LRRC37A2: variants seen among roughly 807,000 people sequenced by gnomAD.
The protein encoded by LRRC37A2 is leucine-rich repeat-containing protein 37A2.
Under a neutral mutation model 68.8 loss-of-function variants are expected in LRRC37A2, and 9 were observed. That is an observed-to-expected ratio of 0.13 (90% CI 0.08 to 0.23). LRRC37A2 has a LOEUF of 0.23. Ranked by LOEUF, LRRC37A2 falls within the 10% of genes least tolerant of loss-of-function variation. The pLI is 1.00. For synonymous variants in LRRC37A2, 63 were observed against 367.6 expected, an observed-to-expected ratio of 0.17 and a Z score of 9.48; for missense variants, 168 against 950.4, an observed-to-expected ratio of 0.18 and a Z score of 10.82.
chr17:46,834,367 T>C, the LRRC37A2 span, among the ~76,000 whole-genome samples: 1 of 152,034 alleles, frequency 6.6e-6, no homozygotes, highest in Non-Finnish European at 1.5e-5. Flanking sequence ...GGGTTCTGCC[T>C]CTGGGAGAGG....
the LRRC37A2 span, among the ~76,000 whole-genome samples, chr17:46,726,048 A>C: frequency 2.0e-5 from 3 of 152,120 alleles, no homozygotes; most frequent in African/African-American, 7.2e-5. Flanking sequence ...CATCTATCTG[A>C]TCCTTCATAC....
the LRRC37A2 span, chr17:47,017,233 C>T: frequency 6.2e-7 from 1 of 1,611,866 alleles, no homozygotes; most frequent in Non-Finnish European, 8.5e-7. Flanking sequence ...TGTGTCATGT[C>T]CCGGCTGCGT....
At chr17:46,786,759 T>C in the LRRC37A2 span, among the ~76,000 whole-genome samples, 2 of 152,144 alleles carry the variant, frequency 1.3e-5, no homozygotes, top group African/African-American at 4.8e-5. Context: ...GGTCACAGCA[T>C]TTCTGCCCAT....
chr17:46,785,041 T>G, the LRRC37A2 span, among the ~76,000 whole-genome samples: 1 of 152,208 alleles, frequency 6.6e-6, no homozygotes, highest in East Asian at 1.9e-4. Context: ...CCTCCCAAAG[T>G]GCTGGGATTA....
chr17:46,935,940 G>C, the LRRC37A2 span: 3 of 985,770 alleles, frequency 3.0e-6, no homozygotes, highest in African/African-American at 5.2e-5. Flanking sequence ...CAGCCACTGA[G>C]CTGTGAGAAA....
the LRRC37A2 span, chr17:46,749,966 A>G: frequency 1.9e-6 from 3 of 1,564,242 alleles, no homozygotes; most frequent in Non-Finnish European, 2.6e-6. Flanking sequence ...GGCTGAAATA[A>G]GTAGTACCAC....
At chr17:46,838,375 C>CG in the LRRC37A2 span, among the ~76,000 whole-genome samples, 24 of 151,680 alleles carry the variant, frequency 1.6e-4, no homozygotes, top group African/African-American at 5.8e-4. Flanking sequence ...GCTTGTAATC[C>CG]CAACTTTTTG....
the LRRC37A2 span, among the ~76,000 whole-genome samples, chr17:46,900,530 G>A: frequency 2.4e-3 from 369 of 152,298 alleles, 2 homozygotes; most frequent in Middle Eastern, 6.8e-3. Flanking sequence ...GATTGCAGGC[G>A]TAAGCCACGG....
chr17:46,852,730 C>T, the LRRC37A2 span, among the ~76,000 whole-genome samples: 1 of 151,974 alleles, frequency 6.6e-6, no homozygotes. Flanking sequence ...AATCTTCACC[C>T]CAAATCAATA....
chr17:46,851,089 C>T, the LRRC37A2 span, among the ~76,000 whole-genome samples: 1 of 152,204 alleles, frequency 6.6e-6, no homozygotes, highest in East Asian at 1.9e-4. The surrounding 1 kb of genome is among the most constrained non-coding windows in gnomAD (Gnocchi z 4.3). Flanking sequence ...TGCACCAGGA[C>T]CCGGCCCTGC....
chr17:46,943,591 C>A, the LRRC37A2 span, among the ~76,000 whole-genome samples: 6 of 152,236 alleles, frequency 3.9e-5, no homozygotes, highest in Admixed American at 3.3e-4. Flanking sequence ...ACCGCAGGGG[C>A]CTTTGTGCAT....
At chr17:46,814,362 T>C in the LRRC37A2 span, among the ~76,000 whole-genome samples, 1 of 152,332 alleles carries the variant, frequency 6.6e-6, no homozygotes, top group East Asian at 1.9e-4. Context: ...TTAAGCAAAA[T>C]GTGATCCTAT....
the LRRC37A2 span, among the ~76,000 whole-genome samples, chr17:46,925,584 A>G: frequency 2.6e-5 from 4 of 152,232 alleles, no homozygotes; most frequent in African/African-American, 4.8e-5. Context: ...TTTCAGTTCC[A>G]TGATAACAGA....
the LRRC37A2 span, among the ~76,000 whole-genome samples, chr17:46,793,037 G>A: frequency 1.3e-5 from 2 of 151,662 alleles, no homozygotes; most frequent in Admixed American, 6.6e-5. Context: ...GGCCGAGGCG[G>A]GAGGAGCACT....
At chr17:46,721,052 G>A in the LRRC37A2 span, among the ~76,000 whole-genome samples, 1 of 152,202 alleles carries the variant, frequency 6.6e-6, no homozygotes, top group African/African-American at 2.4e-5. Context: ...TTAAGAGCTT[G>A]CCGTGTCCTT....
the LRRC37A2 span, among the ~76,000 whole-genome samples, chr17:46,631,061 TACACACAC>T: frequency 6.5e-5 from 8 of 122,774 alleles, no homozygotes; most frequent in African/African-American, 1.6e-4. Flanking sequence ...TCTCTCTCTG[TACACACAC>T]ACACACACAC....
At chr17:46,539,175 C>T (rs1440251772) in intron 6 of LRRC37A2, among the ~76,000 whole-genome samples, 1 of 71,962 alleles carries the variant, frequency 1.4e-5, no homozygotes, top group African/African-American at 4.4e-5. Flanking sequence ...TGCACCACTG[C>T]ACTCCAGCCT....
the LRRC37A2 span, among the ~76,000 whole-genome samples, chr17:46,921,462 G>A: frequency 2.0e-5 from 3 of 152,076 alleles, no homozygotes; most frequent in African/African-American, 4.8e-5. Context: ...CAATGACAAC[G>A]AAAGCCAAAA....
chr17:46,785,861 T>G, the LRRC37A2 span, among the ~76,000 whole-genome samples: 1 of 149,024 alleles, frequency 6.7e-6, no homozygotes, highest in Non-Finnish European at 1.5e-5. Flanking sequence ...AGGGAAGGGG[T>G]GTGGAGGGCG....
Sources: gnomAD v4.1 joint callset for allele counts (sites outside exome capture counted in the v4.1 genomes callset) on GRCh38, gnomAD v4.1.1 for gene constraint, Gnocchi (gnomAD v3.1) non-coding constraint, MANE v1.5 for transcripts, NCBI Gene and HGNC (gene_info 2026-07-23, HGNC 2026-07-21) for gene names.